MAML2: variants seen among roughly 807,000 people sequenced by gnomAD.
MAML2 encodes mastermind like transcriptional coactivator 2, also known as mastermind-like protein 2.
Under a neutral mutation model 96.1 loss-of-function variants are expected in MAML2, and 22 were observed. That is an observed-to-expected ratio of 0.23 (90% CI 0.16 to 0.33). The LOEUF (loss-of-function observed/expected upper bound fraction) is 0.33, where lower values mean the gene tolerates loss of function less well. MAML2 is among the 10% of genes least tolerant of loss of function. The pLI is 1.00. For synonymous variants in MAML2, 561 were observed against 521.3 expected (o/e 1.08, Z -1.04); for missense variants, 1,367 against 1,392.4 (o/e 0.98, Z 0.29).
chr11:96,116,747 T>C (rs1591022618), intron 1 of MAML2, among the ~76,000 whole-genome samples: 1 of 152,340 alleles, frequency 6.6e-6, no homozygotes, highest in East Asian at 1.9e-4. Context: ...ATGATTCATA[T>C]GTATGGCGAA....
chr11:95,985,111 G>A (rs1335153596), intron 4 of MAML2, among the ~76,000 whole-genome samples: 2 of 152,180 alleles, frequency 1.3e-5, no homozygotes, highest in Non-Finnish European at 2.9e-5. Flanking sequence ...AGGACCATTT[G>A]TCTTTGAAGG....
chr11:96,172,957 T>C (rs184525530), intron 1 of MAML2, among the ~76,000 whole-genome samples: 18 of 152,370 alleles, frequency 1.2e-4, no homozygotes, highest in Middle Eastern at 3.4e-3. Context: ...GCCTTTCAAA[T>C]GGGCATGCAC....
At chr11:95,981,833 A>G (rs943836978) in intron 4 of MAML2, among the ~76,000 whole-genome samples, 9 of 152,180 alleles carry the variant, frequency 5.9e-5, no homozygotes, top group South Asian at 4.1e-4. Context: ...AATGCTGTGG[A>G]AAAAAATGTA....
chr11:96,151,757 T>A (rs1307294576), intron 1 of MAML2, among the ~76,000 whole-genome samples: 1 of 152,224 alleles, frequency 6.6e-6, no homozygotes, highest in Non-Finnish European at 1.5e-5. Flanking sequence ...CCAGAGCAGA[T>A]GCTGCCATGC....
chr11:96,333,366 G>A (rs1863877821), intron 1 of MAML2, among the ~76,000 whole-genome samples: 1 of 151,154 alleles, frequency 6.6e-6, no homozygotes, highest in Non-Finnish European at 1.5e-5. Context: ...AAAAAAAAAA[G>A]ATAAAAATTT....
chr11:96,166,410 T>C (rs944405222), intron 1 of MAML2, among the ~76,000 whole-genome samples: 18 of 152,218 alleles, frequency 1.2e-4, no homozygotes, highest in Non-Finnish European at 1.6e-4. Context: ...TAAATAGTTT[T>C]CTTATTGTTT....
intron 1 of MAML2, among the ~76,000 whole-genome samples, chr11:96,187,266 T>C (rs1258685479): frequency 1.3e-5 from 2 of 152,252 alleles, no homozygotes; most frequent in Non-Finnish European, 2.9e-5. Context: ...GCCACTGTTA[T>C]TCCAGATTGC....
intron 1 of MAML2, among the ~76,000 whole-genome samples, chr11:96,268,682 T>C (rs752139149): frequency 1.3e-5 from 2 of 152,170 alleles, no homozygotes; most frequent in Admixed American, 1.3e-4. Flanking sequence ...AATTGAATCA[T>C]AGGGGTGAGT....
intron 2 of MAML2, among the ~76,000 whole-genome samples, chr11:96,020,540 AG>A (rs1858421213): frequency 6.6e-6 from 1 of 152,122 alleles, no homozygotes; most frequent in African/African-American, 2.4e-5. Flanking sequence ...GTGTTAAGGG[AG>A]GGGGTGACTG....
chr11:95,979,091 A>G lies in MAML2; in HGVS notation c.3328T>C (p.Phe1110Leu). ...TDHSSDLAFD[F>L]LSQQNDNMGP... ...ATGTTATCATTTTGTTGGCTGAGGA[A>G]GTCAAAAGCTAAGTCACTGCTGTGG... Residue 1110 changes from phenylalanine to leucine, a missense_variant, in exon 5 of 5, where the codon TTC becomes CTC. Coordinates refer to ENST00000524717, the MANE Select transcript of MAML2 (RefSeq NM_032427.4). 6.2e-7 allele frequency: 1 copy of G among 1,614,016 alleles called. No individual in the cohort carries two copies. The highest frequency in any genetic ancestry group is 8.5e-7 in the Non-Finnish European group (1 of 1,179,886).
intron 1 of MAML2, among the ~76,000 whole-genome samples, chr11:96,200,140 A>T (rs1378887975): frequency 6.6e-6 from 1 of 152,224 alleles, no homozygotes; most frequent in Non-Finnish European, 1.5e-5. Flanking sequence ...ACACAGTAAG[A>T]ACCTTAGTCC....
At chr11:96,109,006 C>T (rs1282604808) in intron 1 of MAML2, among the ~76,000 whole-genome samples, 1 of 144,388 alleles carries the variant, frequency 6.9e-6, no homozygotes, top group Non-Finnish European at 1.5e-5. Context: ...GCCTGGGCAA[C>T]AGTTTGAGTG....
chr11:96,054,464 C>A (rs1859032245), intron 2 of MAML2, among the ~76,000 whole-genome samples: 1 of 152,096 alleles, frequency 6.6e-6, no homozygotes, highest in African/African-American at 2.4e-5. Context: ...TAAACAATTT[C>A]TAAGGGAGGT....
chr11:96,079,284 T>C (rs909578682), intron 2 of MAML2, among the ~76,000 whole-genome samples: 2 of 152,316 alleles, frequency 1.3e-5, no homozygotes, highest in Non-Finnish European at 2.9e-5. Context: ...ACTTAAATTA[T>C]ATACATACAC....
chr11:96,166,510 G>GGACCC (rs1861197884), intron 1 of MAML2, among the ~76,000 whole-genome samples: 1 of 152,196 alleles, frequency 6.6e-6, no homozygotes, highest in South Asian at 2.1e-4. Context: ...AGAAGAAAGA[G>GGACCC]GACCCAACCA....
intron 2 of MAML2, among the ~76,000 whole-genome samples, chr11:96,047,901 ACT>A (rs2135763517): frequency 8.4e-6 from 1 of 119,550 alleles, no homozygotes; most frequent in Non-Finnish European, 1.7e-5. Context: ...GACAGGCAAG[ACT>A]CTGCCTCAAA....
intron 1 of MAML2, among the ~76,000 whole-genome samples, chr11:96,307,660 C>G (rs939651881): frequency 6.6e-6 from 1 of 152,160 alleles, no homozygotes; most frequent in Non-Finnish European, 1.5e-5. Context: ...TATGGGAAGG[C>G]TGCCTAGCAG....
chr11:96,143,228 T>A (rs1399367089), intron 1 of MAML2, among the ~76,000 whole-genome samples: 1 of 152,176 alleles, frequency 6.6e-6, no homozygotes, highest in African/African-American at 2.4e-5. Context: ...TTGGCAAAGT[T>A]TAAAACTGCT....
intron 1 of MAML2, among the ~76,000 whole-genome samples, chr11:96,143,399 G>T (rs1478202231): frequency 1.3e-5 from 2 of 152,094 alleles, no homozygotes; most frequent in Non-Finnish European, 2.9e-5. Context: ...TTGAGCCCTC[G>T]GTCATGTCGC....
Sources: allele counts gnomAD v4.1 joint callset (sites outside exome capture counted in the v4.1 genomes callset), GRCh38; gene constraint gnomAD v4.1.1; transcripts MANE v1.5; gene names NCBI Gene and HGNC (gene_info 2026-07-23, HGNC 2026-07-21).